The following FNDC5 variants were observed in gnomAD, a reference collection of about 807,000 sequenced individuals.
FNDC5 encodes fibronectin type III domain-containing protein 5.
FNDC5 carries 10 observed loss-of-function variants against 24.6 expected under a neutral mutation model. That is an observed-to-expected ratio of 0.41 (90% CI 0.25 to 0.69). The LOEUF (loss-of-function observed/expected upper bound fraction) is 0.69, where lower values mean the gene tolerates loss of function less well. FNDC5 is among the 30% of genes least tolerant of loss of function. FNDC5 has a pLI of 0.34. For synonymous variants in FNDC5, 90 were observed against 110.7 expected (o/e 0.81, Z 1.18); for missense variants, 226 against 282.9 (o/e 0.80, Z 1.44).
rs754986054 is a variant in FNDC5 at position 32,864,318 on chromosome 1, A to G, written c.634-19T>C. 6.2e-7 allele frequency: 1 copy of G among 1,613,948 alleles called. No homozygotes were observed. Among genetic ancestry groups the G allele is most frequent in the South Asian group, 1.1e-5 (1 of 91,050 alleles). Reference sequence around the variant, plus strand: ...TTCATATCTGTTTTACAGAAGAGGAAATGAAGGTACAGCGGTAAAGCACCT... The same window carrying G: ...TTCATATCTGTTTTACAGAAGAGGAGATGAAGGTACAGCGGTAAAGCACCT... On this transcript the variant is annotated intron_variant, in intron 5 of 5. Coordinates refer to ENST00000373471, the MANE Select transcript of FNDC5 (RefSeq NM_153756.3).
In FNDC5 at chr1:32,863,554, T is replaced by A; in HGVS notation, c.*740A>T. The A allele has an allele frequency of 2.0e-6, 1 of 510,194 alleles. No individual in the cohort carries two copies. The highest frequency in any genetic ancestry group is 2.0e-5 in the South Asian group (1 of 49,054). The allele number at this position is 510,194 out of a possible 1,614,324, so 31.6% of individuals were successfully genotyped here. On this transcript the variant is annotated 3_prime_UTR_variant, in exon 6 of 6. Transcript: ENST00000373471. ...GCCTTTTAGTTTTGTGGCTTATTTTTATTTTTTTGCAGAATTTGGGTTTGT... is the reference window on the plus strand; with the variant it reads ...GCCTTTTAGTTTTGTGGCTTATTTTAATTTTTTTGCAGAATTTGGGTTTGT...
At chr1:32,864,922 T>C (rs1261440559) in intron 4 of FNDC5, 125 bp from the exon 5 acceptor site, 3 of 1,392,334 alleles carry the variant, frequency 2.2e-6, no homozygotes, top group Admixed American at 2.3e-5. Flanking sequence ...TGCAGCACCC[T>C]CCCTCTGCCC....
chr1:32,864,646 C>G lies in FNDC5; in HGVS notation c.633+18G>C. On this transcript the variant is annotated intron_variant, in intron 5 of 5. Transcript: ENST00000373471. ...TGAGGCACAGGGTGGCCCACCCAGGCCCAGGTCTTGCCCTCACCTTGCTGC... is the reference window on the plus strand; with the variant it reads ...TGAGGCACAGGGTGGCCCACCCAGGGCCAGGTCTTGCCCTCACCTTGCTGC... 6.2e-7 allele frequency: 1 copy of G among 1,613,646 alleles called. No individual in the cohort carries two copies. Among genetic ancestry groups the G allele is most frequent in the Non-Finnish European group, 8.5e-7 (1 of 1,180,018 alleles).
At position 32,862,492 on chromosome 1, in the gene FNDC5, C is replaced by T. The variant is rs1301272371; in HGVS notation, c.*1802G>A. The T allele has an allele frequency of 1.3e-5, 2 of 152,660 alleles. No homozygotes were observed. Among genetic ancestry groups the T allele is most frequent in the Non-Finnish European group, 1.5e-5 (1 of 68,058 alleles). The allele number at this position is 152,660 out of a possible 1,614,324, so 9.5% of individuals were successfully genotyped here. A position where few individuals can be genotyped will look rare whatever the true frequency, so the allele number is the denominator to read the frequency against. On this transcript the variant is annotated 3_prime_UTR_variant, in exon 6 of 6. Transcript: ENST00000373471. ...GTCTCTCCTCCCCAGTGCTGTCACA[C>T]TTGGGCAAAGCAGAGTGGTGGCAGA...
Position 32,863,656 on chromosome 1 carries a change from G to A in FNDC5, c.*638C>T. 1 of 1,254,008 alleles carries A rather than the reference G, an allele frequency of 8.0e-7. No individual in the cohort carries two copies. The highest frequency in any genetic ancestry group is 1.1e-6 in the Non-Finnish European group (1 of 943,418). 77.7% of individuals were successfully genotyped at this position (1,254,008 alleles called of 1,614,324 possible). On this transcript the variant is annotated 3_prime_UTR_variant, in exon 6 of 6. Transcript: ENST00000373471. Reference sequence around the variant, plus strand: ...CTAGCTGTGCCTCCTCCCCACTGCTGCAGTTGTCCCTCTCCCTGTGCCCGT... The same window carrying A: ...CTAGCTGTGCCTCCTCCCCACTGCTACAGTTGTCCCTCTCCCTGTGCCCGT...
intron 4 of FNDC5, among the ~76,000 whole-genome samples, chr1:32,865,205 T>A (rs1188246525): frequency 6.6e-6 from 1 of 152,026 alleles, no homozygotes; most frequent in East Asian, 2.0e-4. Context: ...GTTCAAGTGA[T>A]TCTCCTGCCT....
Position 32,863,909 on chromosome 1 carries a change from T to C in FNDC5, c.*385A>G, listed in dbSNP as rs1641009670. ...CTAAATAAGCCAAGCTCTTGTCCCT[T>C]GTGGAAAGAAAAGAGAAGCCCTGCC... On this transcript the variant is annotated 3_prime_UTR_variant, in exon 6 of 6. Transcript: ENST00000373471. The C allele has an allele frequency of 7.1e-6, 9 of 1,274,802 alleles. No individual in the cohort carries two copies. The South Asian group carries it at 9.5e-5, about 13-fold the overall frequency. 79.0% of individuals were successfully genotyped at this position (1,274,802 alleles called of 1,614,324 possible). A position where few individuals can be genotyped will look rare whatever the true frequency, so the allele number is the denominator to read the frequency against.
rs761275467 is a variant in FNDC5, at chr1:32,864,261, C to G, written c.*33G>C. Reference sequence around the variant, plus strand: ...TCTCACATTCTCTACTGTCTGTCTTCTTAGCTGCTGAGGGCAAGCACTGAA... The same window carrying G: ...TCTCACATTCTCTACTGTCTGTCTTGTTAGCTGCTGAGGGCAAGCACTGAA... On this transcript the variant is annotated 3_prime_UTR_variant, in exon 6 of 6. Coordinates refer to ENST00000373471, the MANE Select transcript of FNDC5 (RefSeq NM_153756.3). The G allele has an allele frequency of 6.2e-7, 1 of 1,614,208 alleles. No individual in the cohort carries two copies. Among genetic ancestry groups the G allele is most frequent in the Non-Finnish European group, 8.5e-7 (1 of 1,180,028 alleles).
chr1:32,863,739 C>CAA lies in FNDC5; in HGVS notation c.*554_*555insTT. 7.7e-7 allele frequency: 1 copy of CAA among 1,304,510 alleles called. No homozygotes were observed. The highest frequency in any genetic ancestry group is 1.2e-5 in the South Asian group (1 of 81,026). 80.8% of individuals were successfully genotyped at this position (1,304,510 alleles called of 1,614,324 possible). ...ATCCTTCTCCCTGCAGACAGGCAGT[C>CAA]ACGCTTCAATGATGTTCACTGAGGG... On this transcript the variant is annotated 3_prime_UTR_variant, in exon 6 of 6. Transcript: ENST00000373471.
chr1:32,864,605 AG>A, intron 5 of FNDC5, 58 bp downstream of exon 5: 1 of 1,611,294 alleles, frequency 6.2e-7, no homozygotes, highest in South Asian at 1.1e-5. Context: ...TCTGCAGTCC[AG>A]GGATTACCAG....
At position 32,863,782 on chromosome 1, in the gene FNDC5, AG is replaced by A. The variant is rs1641006777; in HGVS notation, c.*511del. The A allele has an allele frequency of 7.7e-7, 1 of 1,304,532 alleles. No homozygotes were observed. The highest frequency in any genetic ancestry group is 2.3e-5 in the Admixed American group (1 of 43,556). The allele number at this position is 1,304,532 out of a possible 1,614,324, so 80.8% of individuals were successfully genotyped here. On this transcript the variant is annotated 3_prime_UTR_variant, in exon 6 of 6. Coordinates refer to ENST00000373471, the MANE Select transcript of FNDC5 (RefSeq NM_153756.3). ...ACTGAGGGCTTGTTTGGAAACTGGG[AG>A]GAAAAAAATGAGAGAAGCAGCCAGG... is the stretch of plus-strand genomic sequence containing the variant.
At chr1:32,867,243 T>C (rs1257904579) in intron 4 of FNDC5, among the ~76,000 whole-genome samples, 1 of 151,356 alleles carries the variant, frequency 6.6e-6, no homozygotes, top group Admixed American at 6.6e-5. Flanking sequence ...CAGTATGCGG[T>C]GGGGGTGTGG....
chr1:32,863,928 C>T lies in FNDC5; in HGVS notation c.*366G>A. 3 of 1,271,196 alleles carry T rather than the reference C, an allele frequency of 2.4e-6. No individual in the cohort carries two copies. The highest frequency in any genetic ancestry group is 3.0e-6 in the Non-Finnish European group (3 of 984,926). The allele number at this position is 1,271,196 out of a possible 1,614,324, so 78.7% of individuals were successfully genotyped here. A position where few individuals can be genotyped will look rare whatever the true frequency, so the allele number is the denominator to read the frequency against. On this transcript the variant is annotated 3_prime_UTR_variant, in exon 6 of 6. Transcript: ENST00000373471. ...GTCCCTTGTGGAAAGAAAAGAGAAG[C>T]CCTGCCTGGATGTCTTGTCTTTTTG... is the stretch of plus-strand genomic sequence containing the variant.
Position 32,862,593 on chromosome 1 carries a change from G to A in FNDC5, c.*1701C>T, listed in dbSNP as rs1640987974. The A allele has an allele frequency of 6.6e-6, 1 of 152,598 alleles. No homozygotes were observed. Among genetic ancestry groups the A allele is most frequent in the African/African-American group, 2.4e-5 (1 of 41,402 alleles). 9.5% of individuals were successfully genotyped at this position (152,598 alleles called of 1,614,324 possible). ...GATGGCTTCTGGCTCTCTGGCTTGG[G>A]GACCAATGCTCTTATCATTCATTTC... On this transcript the variant is annotated 3_prime_UTR_variant, in exon 6 of 6. Coordinates refer to ENST00000373471, the MANE Select transcript of FNDC5 (RefSeq NM_153756.3).
intron 4 of FNDC5, among the ~76,000 whole-genome samples, chr1:32,866,520 C>T (rs1317263687): frequency 6.6e-6 from 1 of 152,100 alleles, no homozygotes; most frequent in African/African-American, 2.4e-5. Flanking sequence ...ATGCCCTGAA[C>T]ACTATTCCTC....
chr1:32,863,653 G>T lies in FNDC5; in HGVS notation c.*641C>A. 1 of 1,248,508 alleles carries T rather than the reference G, an allele frequency of 8.0e-7. No individual in the cohort carries two copies. The highest frequency in any genetic ancestry group is 1.1e-6 in the Non-Finnish European group (1 of 938,474). 77.3% of individuals were successfully genotyped at this position (1,248,508 alleles called of 1,614,324 possible). A position where few individuals can be genotyped will look rare whatever the true frequency, so the allele number is the denominator to read the frequency against. On this transcript the variant is annotated 3_prime_UTR_variant, in exon 6 of 6. Transcript: ENST00000373471. ...CAGCTAGCTGTGCCTCCTCCCCACT[G>T]CTGCAGTTGTCCCTCTCCCTGTGCC...
chr1:32,871,714 G>C (rs1641187820), upstream of FNDC5, among the ~76,000 whole-genome samples: 1 of 152,162 alleles, frequency 6.6e-6, no homozygotes, highest in African/African-American at 2.4e-5. Flanking sequence ...GTGCTTAACT[G>C]AACTGTCTCC....
rs111297582 is a variant in FNDC5, at chr1:32,863,455, A to G, written c.*839T>C. 2.0e-3 allele frequency: 591 copies of G among 292,324 alleles called. 7 individuals carry two copies. Among genetic ancestry groups the G allele is most frequent in the African/African-American group, 0.012 (556 of 46,180 alleles). 18.1% of individuals were successfully genotyped at this position (292,324 alleles called of 1,614,324 possible). A position where few individuals can be genotyped will look rare whatever the true frequency, so the allele number is the denominator to read the frequency against. On this transcript the variant is annotated 3_prime_UTR_variant, in exon 6 of 6. Transcript: ENST00000373471. ...GGCTTTGTGCATTTTCTCAAAGAGG[A>G]AGCCAGTCCAGGAGAGGCGAGGAGG...
intron 4 of FNDC5, among the ~76,000 whole-genome samples, chr1:32,865,155 A>G (rs953694093): frequency 2.6e-5 from 4 of 151,642 alleles, no homozygotes; most frequent in African/African-American, 9.7e-5. Context: ...GCTGGAGTGC[A>G]ATGGCGCGAT....
Sources: gnomAD v4.1 joint callset for allele counts (sites outside exome capture counted in the v4.1 genomes callset) on GRCh38, gnomAD v4.1.1 for gene constraint, MANE v1.5 for transcripts, NCBI Gene and HGNC (gene_info 2026-07-23, HGNC 2026-07-21) for gene names.